The following PLCH1 variants were observed in gnomAD, a reference collection of about 807,000 sequenced individuals.
PLCH1 encodes 1-phosphatidylinositol 4,5-bisphosphate phosphodiesterase eta-1.
A neutral mutation model predicts 126.7 loss-of-function variants in PLCH1; 60 were observed. The ratio of observed to expected loss-of-function variants is 0.47; its 90% CI spans 0.38 to 0.59. The LOEUF (loss-of-function observed/expected upper bound fraction) is 0.59, where lower values mean the gene tolerates loss of function less well. PLCH1 is among the 20% of genes least tolerant of loss of function. The pLI, the probability that PLCH1 is intolerant of heterozygous loss-of-function variation, is 0.00. For missense variants in PLCH1, 1,723 were observed against 2,040.0 expected, an observed-to-expected ratio of 0.84 and a Z score of 2.99; for synonymous variants, 719 against 734.9, an observed-to-expected ratio of 0.98 and a Z score of 0.35.
chr3:155,563,591 CT>C (rs1727916671), intron 8 of PLCH1, among the ~76,000 whole-genome samples: 1 of 151,542 alleles, frequency 6.6e-6, no homozygotes, highest in Admixed American at 6.6e-5. Context: ...CAACTTCCTG[CT>C]TCCAGTTTCA....
intron 10 of PLCH1, among the ~76,000 whole-genome samples, chr3:155,524,470 A>C (rs899900411): frequency 6.6e-6 from 1 of 152,204 alleles, no homozygotes; most frequent in Admixed American, 6.5e-5. Flanking sequence ...TGTTAGGTAG[A>C]TTTTAGGTCA....
intron 1 of PLCH1, chr3:155,743,706 A>T: frequency 2.7e-6 from 1 of 363,768 alleles, no homozygotes. Flanking sequence ...CATTGGCATT[A>T]TACTCTGGTC....
chr3:155,571,864 T>C (rs918177408), intron 6 of PLCH1, among the ~76,000 whole-genome samples: 2 of 152,218 alleles, frequency 1.3e-5, no homozygotes, highest in Non-Finnish European at 2.9e-5. Context: ...AATTATATCA[T>C]CCAGTTTTTA....
chr3:155,492,633 C>G, intron 18 of PLCH1, 96 bp downstream of exon 18: 1 of 1,159,780 alleles, frequency 8.6e-7, no homozygotes. Flanking sequence ...CAGTTATGAA[C>G]ACACATACAT....
At chr3:155,619,213 T>C (rs964431217) in intron 2 of PLCH1, among the ~76,000 whole-genome samples, 2 of 152,136 alleles carry the variant, frequency 1.3e-5, no homozygotes, top group African/African-American at 4.8e-5. Context: ...GTTAAGGTTG[T>C]TATTGTCTAA....
chr3:155,646,178 G>A (rs1395888208), intron 2 of PLCH1, among the ~76,000 whole-genome samples: 1 of 152,120 alleles, frequency 6.6e-6, no homozygotes, highest in East Asian at 1.9e-4. Context: ...GATCAACAAG[G>A]CCCCAGATGT....
At chr3:155,555,837 G>A (rs1194832116) in intron 8 of PLCH1, among the ~76,000 whole-genome samples, 1 of 152,054 alleles carries the variant, frequency 6.6e-6, no homozygotes, top group Non-Finnish European at 1.5e-5. Flanking sequence ...TTTCCTTATG[G>A]CAAGAGGTCA....
intron 1 of PLCH1, among the ~76,000 whole-genome samples, chr3:155,715,445 C>A (rs1276203467): frequency 6.6e-6 from 1 of 151,878 alleles, no homozygotes; most frequent in African/African-American, 2.4e-5. Flanking sequence ...GCTGGGACCA[C>A]AGGCATGCGC....
chr3:155,514,264 T>C (rs1271000809), intron 12 of PLCH1, among the ~76,000 whole-genome samples: 1 of 152,158 alleles, frequency 6.6e-6, no homozygotes, highest in Non-Finnish European at 1.5e-5. Context: ...TTGTATAGGG[T>C]CCAGAGGGCA....
rs573323353 is a variant in PLCH1 at position 155,641,540 on chromosome 3, C to CA, written c.80-45163dup. ...ATATTAAAGGGAGTTCTTCAATCTG[C>CA]AAAAAAAGGATGTTAACAAGCAAGA... On this transcript the variant is annotated intron_variant, in intron 2 of 22. Transcript: ENST00000460012. Among the ~76,000 whole-genome samples, 313 of 151,478 alleles carry CA rather than the reference C, an allele frequency of 2.1e-3. 1 individual carries two copies. Among genetic ancestry groups the CA allele is most frequent in the African/African-American group, 7.2e-3 (298 of 41,340 alleles).
Position 155,652,483 on chromosome 3 carries a change from T to C in PLCH1, c.79+51663A>G, listed in dbSNP as rs564737804. 4.5e-4 allele frequency among the ~76,000 whole-genome samples: 69 copies of C among 152,334 alleles called. 1 individual carries two copies. The South Asian group carries it at 0.013, about 28-fold the overall frequency. On this transcript the variant is annotated intron_variant, in intron 2 of 22. Transcript: ENST00000460012. The stretch of plus-strand genomic sequence containing the variant: ...GGAAGAACTTTCTGTTTTGTTTTTT[T>C]GCGTGTGTGTGTGGGACCTTGTTGA...
intron 13 of PLCH1, 117 bp downstream of exon 13, chr3:155,504,438 C>A: frequency 1.7e-6 from 1 of 590,228 alleles, no homozygotes; most frequent in Non-Finnish European, 3.0e-6. Flanking sequence ...TTTTCCTTTG[C>A]TGACGTGCTG....
intron 10 of PLCH1, among the ~76,000 whole-genome samples, chr3:155,525,617 T>C (rs896019279): frequency 2.0e-5 from 3 of 152,188 alleles, no homozygotes; most frequent in Non-Finnish European, 2.9e-5. Flanking sequence ...TTAACACTTA[T>C]GCCTCACTTT....
At chr3:155,654,395 A>T (rs1166382742) in intron 2 of PLCH1, among the ~76,000 whole-genome samples, 1 of 151,852 alleles carries the variant, frequency 6.6e-6, no homozygotes, top group African/African-American at 2.4e-5. Context: ...CAAAGCTACA[A>T]CCTCTCTCCT....
chr3:155,732,992 G>C (rs1021593248), intron 1 of PLCH1, among the ~76,000 whole-genome samples: 1 of 150,768 alleles, frequency 6.6e-6, no homozygotes, highest in Non-Finnish European at 1.5e-5. Flanking sequence ...AAAATACGTA[G>C]GAATAAATTT....
chr3:155,594,290 T>C, intron 3 of PLCH1, 106 bp from the exon 4 acceptor site: 1 of 1,103,272 alleles, frequency 9.1e-7, no homozygotes, highest in Non-Finnish European at 1.3e-6. Context: ...TAAAAATAAG[T>C]ATGAGGCTGG....
At chr3:155,679,387 C>A (rs1744334251) in intron 2 of PLCH1, among the ~76,000 whole-genome samples, 1 of 152,160 alleles carries the variant, frequency 6.6e-6, no homozygotes, top group Non-Finnish European at 1.5e-5. Flanking sequence ...GCAGTACCTA[C>A]CTCAGAGGGC....
At chr3:155,463,270 A>T (rs1486612456) in intron 21 of PLCH1, among the ~76,000 whole-genome samples, 1 of 152,240 alleles carries the variant, frequency 6.6e-6, no homozygotes, top group Non-Finnish European at 1.5e-5. Flanking sequence ...TTTCTCTCTT[A>T]TATTTTCAAC....
chr3:155,535,342 G>A (rs1032629931), intron 10 of PLCH1, among the ~76,000 whole-genome samples: 4 of 152,226 alleles, frequency 2.6e-5, no homozygotes, highest in Non-Finnish European at 5.9e-5. Flanking sequence ...GGTGGGGAGA[G>A]GTGGGGCCTG....
Sources: gnomAD v4.1 joint callset for allele counts (sites outside exome capture counted in the v4.1 genomes callset) on GRCh38, gnomAD v4.1.1 for gene constraint, MANE v1.5 for transcripts, NCBI Gene and HGNC (gene_info 2026-07-23, HGNC 2026-07-21) for gene names.